PCDHA4: variants seen among roughly 807,000 people sequenced by gnomAD.
PCDHA4 encodes the protein protocadherin alpha-4.
A neutral mutation model predicts 61.4 loss-of-function variants in PCDHA4; 49 were observed. The ratio of observed to expected loss-of-function variants is 0.80; its 90% CI spans 0.63 to 1.01. PCDHA4 has a LOEUF of 1.01. Among genes scored for constraint, PCDHA4 ranks in the 50% least tolerant of loss-of-function variants. The pLI is 0.00. For synonymous variants in PCDHA4, 590 were observed against 550.3 expected (o/e 1.07, Z -1.01); for missense variants, 1,254 against 1,235.8 (o/e 1.01, Z -0.22).
chr5:140,972,660 AT>A (rs11350929), intron 1 of PCDHA4, among the ~76,000 whole-genome samples: 34,850 of 117,234 alleles, frequency 0.3, 4,025 homozygotes, highest in East Asian at 0.43. Context: ...AAGAAACCAA[AT>A]TTTTTTTTTT....
intron 1 of PCDHA4, chr5:140,850,281 G>A: frequency 6.3e-7 from 1 of 1,595,580 alleles, no homozygotes. Context: ...GAAGGTGCGC[G>A]CAGTGGACGC....
intron 1 of PCDHA4, among the ~76,000 whole-genome samples, chr5:140,917,083 T>C (rs2077876290): frequency 6.6e-6 from 1 of 152,078 alleles, no homozygotes; most frequent in South Asian, 2.1e-4. Flanking sequence ...TAATGTAAAG[T>C]TCCCCAGTTG....
intron 1 of PCDHA4, among the ~76,000 whole-genome samples, chr5:140,895,090 T>A (rs2064836305): frequency 6.6e-6 from 1 of 152,190 alleles, no homozygotes; most frequent in Non-Finnish European, 1.5e-5. Flanking sequence ...CTCCTCAGTA[T>A]AGGGGTTTTT....
chr5:140,850,016 C>A, intron 1 of PCDHA4: 1 of 1,596,912 alleles, frequency 6.3e-7, no homozygotes. Context: ...TGTCGAGCTA[C>A]GTGTCAGTGC....
chr5:140,933,545 A>G (rs1424166462), intron 1 of PCDHA4, among the ~76,000 whole-genome samples: 1 of 152,114 alleles, frequency 6.6e-6, no homozygotes, highest in Non-Finnish European at 1.5e-5. Flanking sequence ...TAATGTTAAT[A>G]TAAAATAAAA....
chr5:140,875,125 A>T (rs1158150211), intron 1 of PCDHA4, among the ~76,000 whole-genome samples: 2 of 152,240 alleles, frequency 1.3e-5, no homozygotes, highest in Non-Finnish European at 2.9e-5. Flanking sequence ...TATATTAACT[A>T]AACCCGCATT....
chr5:140,856,036 A>T (rs1554148102), intron 1 of PCDHA4: 1 of 1,567,408 alleles, frequency 6.4e-7, no homozygotes, highest in African/African-American at 1.4e-5. Context: ...TTGTAAAACA[A>T]GAGAAGGATA....
chr5:140,906,021 A>G (rs1422492231), intron 1 of PCDHA4, among the ~76,000 whole-genome samples: 1 of 152,182 alleles, frequency 6.6e-6, no homozygotes, highest in African/African-American at 2.4e-5. Context: ...TAATCTCTCC[A>G]CGTTCTTCTG....
intron 1 of PCDHA4, chr5:140,841,605 T>A: frequency 6.2e-7 from 1 of 1,614,126 alleles, no homozygotes; most frequent in Non-Finnish European, 8.5e-7. Context: ...CGCGAGGAGC[T>A]GTGCGGGCGG....
intron 1 of PCDHA4, among the ~76,000 whole-genome samples, chr5:140,838,933 A>G (rs1168986941): frequency 6.6e-6 from 1 of 151,908 alleles, no homozygotes; most frequent in African/African-American, 2.4e-5. Context: ...AATAAAATGA[A>G]ATAATAAAAT....
intron 1 of PCDHA4, chr5:140,930,291 C>G (rs529065220): frequency 2.0e-5 from 3 of 152,094 alleles, no homozygotes; most frequent in Non-Finnish European, 4.4e-5. Flanking sequence ...ATACACTTAA[C>G]AAATAAGTAA....
At chr5:140,821,649 T>G in intron 1 of PCDHA4, 1 of 1,086,066 alleles carries the variant, frequency 9.2e-7, no homozygotes, top group East Asian at 2.6e-5. Flanking sequence ...GAACCTTCCA[T>G]TTTTGGCTGT....
At chr5:140,875,995 A>AATGAGAATTTTG (rs1554168162) in intron 1 of PCDHA4, 7 of 1,613,958 alleles carry the variant, frequency 4.3e-6, no homozygotes, top group Non-Finnish European at 5.9e-6. Context: ...GTTAAGTCTA[A>AATGAGAATTTTG]ATGAGAATTT....
chr5:140,910,274 G>A (rs1185029668), intron 1 of PCDHA4, among the ~76,000 whole-genome samples: 1 of 152,030 alleles, frequency 6.6e-6, no homozygotes, highest in Non-Finnish European at 1.5e-5. Flanking sequence ...TCACTTCTAG[G>A]AACACCATGA....
intron 1 of PCDHA4, chr5:140,812,771 C>T (rs1189411783): frequency 1.3e-5 from 2 of 152,154 alleles, no homozygotes; most frequent in Non-Finnish European, 2.9e-5. Flanking sequence ...CTTAATATTC[C>T]TTCTTAGTAC....
rs2150120383 is a variant in PCDHA4, at chr5:140,822,919, G to C, written c.2385+13347G>C. ...GTCTGACCGTGACTCAGGTGCCAACGGGCAGGTGACCTGCTCCCTAATGCC... is the reference window on the plus strand; with the variant it reads ...GTCTGACCGTGACTCAGGTGCCAACCGGCAGGTGACCTGCTCCCTAATGCC... On this transcript the variant is annotated intron_variant, in intron 1 of 3. Transcript: ENST00000530339. 6 of 1,614,230 alleles carry C rather than the reference G, an allele frequency of 3.7e-6. No homozygotes were observed. In the South Asian group the frequency reaches 4.4e-5, roughly 12 times the overall value.
intron 1 of PCDHA4, chr5:140,967,899 C>G: frequency 6.2e-7 from 1 of 1,614,180 alleles, no homozygotes; most frequent in African/African-American, 1.3e-5. Flanking sequence ...CCTGAGAATG[C>G]TACACCCAAC....
intron 1 of PCDHA4, chr5:140,929,903 C>T (rs11747154): frequency 0.12 from 17,815 of 152,352 alleles, 1,161 homozygotes; most frequent in Middle Eastern, 0.19. Context: ...ATCTTTAATA[C>T]GATATACCAT....
At chr5:140,835,454 C>G (rs2150236138) in intron 1 of PCDHA4, 5 of 1,613,928 alleles carry the variant, frequency 3.1e-6, no homozygotes, top group Non-Finnish European at 4.2e-6. Context: ...CCCTGTCTCT[C>G]CCTATTCCAG....
Sources: gnomAD v4.1 joint callset for allele counts (sites outside exome capture counted in the v4.1 genomes callset) on GRCh38, gnomAD v4.1.1 for gene constraint, MANE v1.5 for transcripts, NCBI Gene and HGNC (gene_info 2026-07-23, HGNC 2026-07-21) for gene names.